Variants in SERPINB6 observed in about 807,000 individuals in gnomAD.
SERPINB6 encodes the protein serpin B6.
Under a neutral mutation model 26.1 loss-of-function variants are expected in SERPINB6, and 16 were observed. That is an observed-to-expected ratio of 0.61 (90% CI 0.42 to 0.93). The LOEUF is 0.93. SERPINB6 is among the 40% of genes least tolerant of loss of function. The pLI, the probability that SERPINB6 is intolerant of heterozygous loss-of-function variation, is 0.00. For missense variants in SERPINB6, 420 were observed against 478.0 expected (o/e 0.88, Z 1.13); for synonymous variants, 174 against 176.6 (o/e 0.99, Z 0.11).
chr6:2,959,669 G>A, intron 1 of SERPINB6: 1 of 393,066 alleles, frequency 2.5e-6, no homozygotes, highest in South Asian at 2.4e-5. Flanking sequence ...AAGGGGCACT[G>A]GCTTTTGCTT....
intron 1 of SERPINB6, among the ~76,000 whole-genome samples, chr6:2,962,701 A>G (rs1291445299): frequency 6.6e-6 from 1 of 152,232 alleles, no homozygotes; most frequent in African/African-American, 2.4e-5. Flanking sequence ...CTTACATAAA[A>G]ATTGCTGAGC....
chr6:2,965,039 G>A (rs189541367), intron 1 of SERPINB6, among the ~76,000 whole-genome samples: 5 of 152,228 alleles, frequency 3.3e-5, no homozygotes, highest in Admixed American at 1.3e-4. Flanking sequence ...CCGAGGGCCC[G>A]GTCCCGATCC....
rs910876291 is a variant in SERPINB6 at position 2,970,958 on chromosome 6, C to G, written c.-11+575G>C. On this transcript the variant is annotated intron_variant, in intron 1 of 6. Transcript: ENST00000380539. The stretch of plus-strand genomic sequence containing the variant: ...CAGCACGGCCAGTCCAGTGAACACA[C>G]GCAGGGGGCCCGGATGGCACCGTTT... 1.1e-5 allele frequency: 14 copies of G among 1,224,422 alleles called. No individual in the cohort carries two copies. In the African/African-American group the frequency reaches 1.9e-4, roughly 17 times the overall value. The allele number at this position is 1,224,422 out of a possible 1,614,324, so 75.8% of individuals were successfully genotyped here. A position where few individuals can be genotyped will look rare whatever the true frequency, so the allele number is the denominator to read the frequency against.
At chr6:2,957,606 C>T (rs924141755) in intron 2 of SERPINB6, 9 of 152,248 alleles carry the variant, frequency 5.9e-5, no homozygotes, top group Non-Finnish European at 7.3e-5. Flanking sequence ...CTCAGGATGG[C>T]GGTGGGGGTG....
rs565499702 is a variant in SERPINB6 at position 2,967,683 on chromosome 6, A to C, written c.-11+3850T>G. On this transcript the variant is annotated intron_variant, in intron 1 of 6. Transcript: ENST00000380539. The surrounding 1 kb of genome is among the most constrained non-coding windows in gnomAD (Gnocchi z 4.3). ...GAAGACATTCATGCAGCCAACAGCC[A>C]TAAGAAAAAAGGCTCAGTATCACTG... 9 of 152,388 alleles carry C rather than the reference A, an allele frequency of 5.9e-5. No homozygotes were observed. Among genetic ancestry groups the C allele is most frequent in the African/African-American group, 2.2e-4 (9 of 41,594 alleles). The allele number at this position is 152,388 out of a possible 1,614,324, so 9.4% of individuals were successfully genotyped here.
chr6:2,960,981 A>AG (rs11449593), intron 1 of SERPINB6: 37,432 of 152,210 alleles, frequency 0.25, 4,951 homozygotes, highest in Non-Finnish European at 0.3. Flanking sequence ...TTGAAGATGA[A>AG]GGGCCTCAAG....
chr6:2,968,892 C>A lies in SERPINB6; in HGVS notation c.-11+2641G>T, dbSNP rs569571436. 4.9e-6 allele frequency: 6 copies of A among 1,228,956 alleles called. No homozygotes were observed. The African/African-American group carries it at 9.3e-5, about 19-fold the overall frequency. The allele number at this position is 1,228,956 out of a possible 1,614,324, so 76.1% of individuals were successfully genotyped here. A position where few individuals can be genotyped will look rare whatever the true frequency, so the allele number is the denominator to read the frequency against. ...GGAACCAGCAAATGGGAGAACTCTT[C>A]GGTGTGGCTATCGGTGGTGTTCTGG... On this transcript the variant is annotated intron_variant, in intron 1 of 6. Transcript: ENST00000380539.
In SERPINB6 at chr6:2,966,188, T is replaced by C. The variant is rs550672850; in HGVS notation, c.-11+5345A>G. 8.1e-4 allele frequency among the ~76,000 whole-genome samples: 123 copies of C among 152,210 alleles called. 1 individual carries two copies. The highest frequency in any genetic ancestry group is 1.0e-3 in the Non-Finnish European group (70 of 68,042). ...CCAGGAAGCTATAATAACTAAACTTTTTCCATAGCAATCCTAGACACAGTG... is the reference window on the plus strand; with the variant it reads ...CCAGGAAGCTATAATAACTAAACTTCTTCCATAGCAATCCTAGACACAGTG... On this transcript the variant is annotated intron_variant, in intron 1 of 6. Transcript: ENST00000380539.
Position 2,953,195 on chromosome 6 carries a change from A to C in SERPINB6, c.431-9T>G. 1 of 1,614,196 alleles carries C rather than the reference A, an allele frequency of 6.2e-7. No individual in the cohort carries two copies. Among genetic ancestry groups the C allele is most frequent in the Non-Finnish European group, 8.5e-7 (1 of 1,180,022 alleles). ...CAACTCCGCAATTTTACCTGAGCGG[A>C]AGAATTCAAGACCGCATTAGATAGG... On this transcript the variant is annotated splice_polypyrimidine_tract_variant and intron_variant, in intron 4 of 6. Transcript: ENST00000380539.
intron 1 of SERPINB6, chr6:2,969,425 T>C: frequency 1.0e-6 from 1 of 965,272 alleles, no homozygotes; most frequent in South Asian, 4.8e-5. Context: ...ATTTAAAAAC[T>C]ATACCATTTA....
intron 5 of SERPINB6, among the ~76,000 whole-genome samples, chr6:2,951,274 T>C (rs1414510174): frequency 6.6e-6 from 1 of 151,552 alleles, no homozygotes; most frequent in Non-Finnish European, 1.5e-5. Context: ...TAATCCCAGC[T>C]ACTCAAGAGG....
chr6:2,959,276 C>A lies in SERPINB6; in HGVS notation c.57G>T (p.Leu19=), dbSNP rs1488446146. The change falls in exon 2 of 7, where the codon CTG becomes CTT. Residue 19 remains leucine, a synonymous_variant. Transcript: ENST00000380539. ...ACACATTCTTCGAGTTGTCTTTACC[C>A]AGCGTTTTCAAAAGGTTTAAGGCAA... ...GTFALNLLKT[L]GKDNSKNVFF... is the part of the protein sequence containing the mutation. 1 of 1,614,138 alleles carries A rather than the reference C, an allele frequency of 6.2e-7. No homozygotes were observed. The highest frequency in any genetic ancestry group is 2.2e-5 in the East Asian group (1 of 44,884).
chr6:2,958,835 C>A (rs1770784241), intron 2 of SERPINB6, among the ~76,000 whole-genome samples: 1 of 152,096 alleles, frequency 6.6e-6, no homozygotes, highest in Admixed American at 6.5e-5. Flanking sequence ...TAACAACCAA[C>A]AAGCAGATGA....
intron 5 of SERPINB6, among the ~76,000 whole-genome samples, chr6:2,951,229 T>C (rs1014496815): frequency 4.6e-5 from 7 of 151,640 alleles, no homozygotes; most frequent in African/African-American, 1.7e-4. Context: ...CTACTAAAAA[T>C]GCAAAAATTA....
chr6:2,963,173 C>T (rs1207447733), intron 1 of SERPINB6, among the ~76,000 whole-genome samples: 1 of 151,912 alleles, frequency 6.6e-6, no homozygotes, highest in African/African-American at 2.4e-5. Context: ...AAAACAGACC[C>T]CAGTAGAAAC....
intron 4 of SERPINB6, among the ~76,000 whole-genome samples, chr6:2,953,537 A>G (rs1770064784): frequency 6.6e-6 from 1 of 152,226 alleles, no homozygotes; most frequent in Non-Finnish European, 1.5e-5. Context: ...TTACAAGCTT[A>G]AAGAACAGTT....
At chr6:2,969,344 C>A in intron 1 of SERPINB6, 2 of 984,488 alleles carry the variant, frequency 2.0e-6, no homozygotes, top group African/African-American at 3.5e-5. Flanking sequence ...AAGTGTCCTT[C>A]ATATATATAT....
rs1267953165 is a variant in SERPINB6 at position 2,948,536 on chromosome 6, C to T, written c.893G>A (p.Gly298Asp). 6.2e-7 allele frequency: 1 copy of T among 1,614,204 alleles called. No individual in the cohort carries two copies. Residue 298 changes from glycine to aspartate, a missense_variant, in exon 7 of 7, where the codon GGC (glycine) becomes GAC (aspartate). By Grantham distance (94) the Gly-to-Asp change is moderately conservative. Transcript: ENST00000380539. This position sits in a 1 kb window ranked among gnomAD's most constrained non-coding sequence, Gnocchi z 5.0. The stretch of plus-strand genomic sequence containing the variant: ...GGACATTCCAGAGAAGTCTGCCTTG[C>T]CCAGCTCGAAGGCATCAGTCATGCC... The part of the protein sequence containing the change: ...NLGMTDAFEL[G>D]KADFSGMSQT...
intron 4 of SERPINB6, among the ~76,000 whole-genome samples, chr6:2,954,041 A>G (rs1391315656): frequency 1.3e-5 from 2 of 152,034 alleles, no homozygotes; most frequent in African/African-American, 4.8e-5. Context: ...AAAGAAAAAA[A>G]AAGAAAATTG....
Sources: allele counts gnomAD v4.1 joint callset (sites outside exome capture counted in the v4.1 genomes callset), GRCh38; gene constraint gnomAD v4.1.1; non-coding constraint Gnocchi (gnomAD v3.1); transcripts MANE v1.5; gene names NCBI Gene and HGNC (gene_info 2026-07-23, HGNC 2026-07-21).